Variants in CERS6 observed in about 807,000 individuals in gnomAD.
The protein encoded by CERS6 is ceramide synthase 6.
A neutral mutation model predicts 56.8 loss-of-function variants in CERS6; 26 were observed. The ratio of observed to expected loss-of-function variants is 0.46; its 90% CI spans 0.34 to 0.63. CERS6 has a LOEUF of 0.63. Ranked by LOEUF, CERS6 falls within the 30% of genes least tolerant of loss-of-function variation. CERS6 has a pLI of 0.01. For missense variants in CERS6, 415 were observed against 467.5 expected, an observed-to-expected ratio of 0.89 and a Z score of 1.04; for synonymous variants, 164 against 173.3, an observed-to-expected ratio of 0.95 and a Z score of 0.42.
intron 3 of CERS6, among the ~76,000 whole-genome samples, chr2:168,607,964 T>G (rs1377300880): frequency 9.9e-5 from 15 of 152,230 alleles, no homozygotes; most frequent in Admixed American, 4.6e-4. Flanking sequence ...TCCTTCTGAA[T>G]GCATCAGAGA....
At chr2:168,533,317 CAGATTGGAATAGTTTGGAAT>C (rs528779670) in intron 1 of CERS6, among the ~76,000 whole-genome samples, 4,523 of 152,038 alleles carry the variant, frequency 0.03, 92 homozygotes, top group Non-Finnish European at 0.048. Context: ...TTGTTTGGAA[CAGATTGGAATAGTTTGGAAT>C]AGATTGGAAT....
At chr2:168,645,089 TTAAAAA>T (rs1391641203) in intron 4 of CERS6, among the ~76,000 whole-genome samples, 667 of 10,286 alleles carry the variant, frequency 0.065, 174 homozygotes, top group South Asian at 0.075. Context: ...AGACTGCATC[TTAAAAA>T]AAAAAAAAAA....
Position 168,547,624 on chromosome 2 carries a change from C to T in CERS6, c.199C>T (p.Leu67Phe), listed in dbSNP as rs766977442. 1 of 1,613,860 alleles carries T rather than the reference C, an allele frequency of 6.2e-7. No individual in the cohort carries two copies. Among genetic ancestry groups the T allele is most frequent in the Non-Finnish European group, 8.5e-7 (1 of 1,179,766 alleles). Residue 67 changes from leucine to phenylalanine, a missense_variant, in exon 2 of 10, where the codon CTC becomes TTC. Physicochemically the swap from Leu to Phe is conservative, Grantham distance 22 (BLOSUM62 0). Transcript: ENST00000305747. ...RFVAKPCAIA[L>F]NIQANGPQIA... is the part of the protein sequence containing the mutation. Reference sequence around the variant, plus strand: ...TGTAGCCAAACCGTGCGCCATAGCCCTCAACATTCAGGCCAATGGACCACA... The same window carrying T: ...TGTAGCCAAACCGTGCGCCATAGCCTTCAACATTCAGGCCAATGGACCACA...
chr2:168,595,216 A>G (rs1683770590), intron 3 of CERS6, among the ~76,000 whole-genome samples: 1 of 152,234 alleles, frequency 6.6e-6, no homozygotes, highest in African/African-American at 2.4e-5. Context: ...GGGAAGCATT[A>G]CATAAGAGGA....
chr2:168,671,217 G>A (rs1213169601), intron 4 of CERS6, among the ~76,000 whole-genome samples: 2 of 151,680 alleles, frequency 1.3e-5, no homozygotes, highest in Non-Finnish European at 2.9e-5. Flanking sequence ...CACCTGCCTC[G>A]GCCTCCCAAA....
intron 1 of CERS6, among the ~76,000 whole-genome samples, chr2:168,476,957 A>C (rs181921527): frequency 6.6e-6 from 1 of 152,056 alleles, no homozygotes; most frequent in Non-Finnish European, 1.5e-5. Context: ...TTGACACCCA[A>C]AATTAACCAT....
chr2:168,566,923 G>A (rs978954793), intron 3 of CERS6, among the ~76,000 whole-genome samples: 1 of 152,056 alleles, frequency 6.6e-6, no homozygotes, highest in Non-Finnish European at 1.5e-5. Flanking sequence ...ACCATGACAT[G>A]AGCATCAGTT....
At chr2:168,471,651 C>T (rs750960183) in intron 1 of CERS6, among the ~76,000 whole-genome samples, 6 of 152,232 alleles carry the variant, frequency 3.9e-5, no homozygotes, top group African/African-American at 7.2e-5. Context: ...CCTGGGTAGC[C>T]GCTCTCTCCG....
At chr2:168,641,894 TA>T (rs5836193) in intron 4 of CERS6, among the ~76,000 whole-genome samples, 141,966 of 147,800 alleles carry the variant, frequency 0.96, 68,265 homozygotes, top group South Asian at 0.99. Flanking sequence ...AGTAATGGAA[TA>T]AAAAAAAAAA....
intron 1 of CERS6, among the ~76,000 whole-genome samples, chr2:168,462,458 T>G (rs937973415): frequency 1.3e-5 from 2 of 152,098 alleles, no homozygotes; most frequent in Non-Finnish European, 2.9e-5. Flanking sequence ...ATTTCATAAG[T>G]TTTTTTTGGT....
chr2:168,549,504 G>A (rs952765085), intron 2 of CERS6, among the ~76,000 whole-genome samples: 6 of 152,012 alleles, frequency 3.9e-5, no homozygotes, highest in South Asian at 2.1e-4. Flanking sequence ...GCGTGGTGGC[G>A]GGTGCCTGTA....
chr2:168,729,438 T>G (rs2105409688), intron 8 of CERS6, among the ~76,000 whole-genome samples: 1 of 152,314 alleles, frequency 6.6e-6, no homozygotes, highest in Middle Eastern at 3.4e-3. Flanking sequence ...CTCCCTGACT[T>G]TGGTCTTGGG....
chr2:168,572,255 G>C (rs1696002898), intron 3 of CERS6, among the ~76,000 whole-genome samples: 1 of 152,164 alleles, frequency 6.6e-6, no homozygotes, highest in South Asian at 2.1e-4. Context: ...GGGCATTAAT[G>C]CTGGCAGGAG....
At chr2:168,637,609 A>G (rs865972745) in intron 4 of CERS6, among the ~76,000 whole-genome samples, 4 of 152,366 alleles carry the variant, frequency 2.6e-5, no homozygotes, top group Middle Eastern at 3.4e-3. Flanking sequence ...ATATACACAT[A>G]CATAACATAG....
At chr2:168,547,949 T>G (rs74621775) in intron 2 of CERS6, among the ~76,000 whole-genome samples, 1 of 152,326 alleles carries the variant, frequency 6.6e-6, no homozygotes, top group African/African-American at 2.4e-5. Flanking sequence ...TAAATAATGA[T>G]TAGTCTAATT....
intron 8 of CERS6, among the ~76,000 whole-genome samples, chr2:168,744,936 A>G (rs1039589394): frequency 6.6e-6 from 1 of 152,148 alleles, no homozygotes; most frequent in Non-Finnish European, 1.5e-5. Flanking sequence ...CCCAGGCTCC[A>G]CCCCAGAATA....
At chr2:168,560,005 C>T (rs954497012) in intron 2 of CERS6, among the ~76,000 whole-genome samples, 6 of 151,684 alleles carry the variant, frequency 4.0e-5, no homozygotes, top group Non-Finnish European at 8.8e-5. Context: ...TGTATTAGTC[C>T]ATTTTCACAC....
chr2:168,511,150 C>G (rs773226150), intron 1 of CERS6, among the ~76,000 whole-genome samples: 3 of 152,220 alleles, frequency 2.0e-5, no homozygotes, highest in Non-Finnish European at 4.4e-5. Flanking sequence ...ACACAGCCAT[C>G]TTCTTAAGTC....
chr2:168,555,722 C>CTATG (rs1261403157), intron 2 of CERS6, among the ~76,000 whole-genome samples: 1 of 140,920 alleles, frequency 7.1e-6, no homozygotes, highest in African/African-American at 2.8e-5. Context: ...ATAATTGACT[C>CTATG]TGTGTGTGTG....
Sources: allele counts gnomAD v4.1 joint callset (sites outside exome capture counted in the v4.1 genomes callset), GRCh38; gene constraint gnomAD v4.1.1; transcripts MANE v1.5; gene names NCBI Gene and HGNC (gene_info 2026-07-23, HGNC 2026-07-21).